YEATS4: variants seen among roughly 807,000 people sequenced by gnomAD.
YEATS4 encodes the protein YEATS domain-containing protein 4.
YEATS4 carries 17 observed loss-of-function variants against 30.1 expected under a neutral mutation model. That is an observed-to-expected ratio of 0.56 (90% confidence interval 0.39 to 0.85). YEATS4 has a LOEUF of 0.85. Ranked by LOEUF, YEATS4 falls within the 40% of genes least tolerant of loss-of-function variation. The probability of loss-of-function intolerance (pLI) is 0.00; values close to 1 mark genes in which losing one functional copy is unlikely to be tolerated. For missense variants in YEATS4, 142 were observed against 268.3 expected, an observed-to-expected ratio of 0.53 and a Z score of 3.29; for synonymous variants, 85 against 87.5, an observed-to-expected ratio of 0.97 and a Z score of 0.16.
chr12:69,417,255 T>G, the YEATS4 span, among the ~76,000 whole-genome samples: 1 of 148,898 alleles, frequency 6.7e-6, no homozygotes, highest in African/African-American at 2.5e-5. Flanking sequence ...CTTCCTGGGT[T>G]CAAGTGATCC....
rs1389824471 is a variant in YEATS4, at chr12:69,359,911, G to A, written c.-62G>A. On this transcript the variant is annotated 5_prime_UTR_variant, in exon 1 of 7. Transcript: ENST00000247843. ...GACAGGAGCGCGGTCTCTGAGGGGA[G>A]CGGCGACCCCGCCAGCCCCGGTCTC... The A allele has an allele frequency of 4.2e-5, 68 of 1,602,840 alleles. No individual in the cohort carries two copies. The highest frequency in any genetic ancestry group is 2.4e-4 in the South Asian group (22 of 90,518).
chr12:69,361,010 C>G (rs1180045951), intron 1 of YEATS4, among the ~76,000 whole-genome samples: 2 of 151,336 alleles, frequency 1.3e-5, no homozygotes, highest in African/African-American at 4.8e-5. Flanking sequence ...CCAGGCTGGT[C>G]AACATGGTGA....
chr12:69,397,507 C>T, the YEATS4 span, among the ~76,000 whole-genome samples: 1 of 152,100 alleles, frequency 6.6e-6, no homozygotes, highest in Non-Finnish European at 1.5e-5. Flanking sequence ...CTCATGAGAT[C>T]TGATGGTTTT....
chr12:69,389,239 C>G (rs1868286928), intron 6 of YEATS4, among the ~76,000 whole-genome samples: 1 of 151,956 alleles, frequency 6.6e-6, no homozygotes, highest in Non-Finnish European at 1.5e-5. Context: ...TGCCTGAGCT[C>G]AGGAGTTCGC....
chr12:69,379,443 G>C (rs1162529016), intron 6 of YEATS4, among the ~76,000 whole-genome samples: 1 of 151,850 alleles, frequency 6.6e-6, no homozygotes, highest in African/African-American at 2.4e-5. Context: ...GACAGGTCCT[G>C]ACTTTGTCAC....
At chr12:69,413,194 C>T in the YEATS4 span, among the ~76,000 whole-genome samples, 1 of 151,948 alleles carries the variant, frequency 6.6e-6, no homozygotes, top group Admixed American at 6.6e-5. Flanking sequence ...GGGAGGACCA[C>T]TTGAGGAAAG....
chr12:69,365,699 G>C lies in YEATS4; in HGVS notation c.238G>C (p.Val80Leu). ...TGAAAGCTATGGCAATCCTTTAAGA[G>C]GTACAATATAGTCTTTTGATTCACA... Reference protein sequence around the residue: ...LHESYGNPLRVVTKPPYEITE... With the variant: ...LHESYGNPLRLVTKPPYEITE... Residue 80 changes from valine to leucine, a missense_variant and splice_region_variant, in exon 3 of 7, where the codon GTT becomes CTT. Physicochemically the swap from Val to Leu is conservative, Grantham distance 32 (BLOSUM62 1). This residue lies in a region of YEATS4 where 64 missense variants were observed against 164.0 expected (regional missense o/e 0.39). Transcript: ENST00000247843. The C allele has an allele frequency of 6.2e-7, 1 of 1,610,554 alleles. No individual in the cohort carries two copies. Among genetic ancestry groups the C allele is most frequent in the Non-Finnish European group, 8.5e-7 (1 of 1,177,866 alleles).
chr12:69,424,503 C>T, the YEATS4 span, among the ~76,000 whole-genome samples: 1 of 152,274 alleles, frequency 6.6e-6, no homozygotes, highest in Middle Eastern at 3.4e-3. Context: ...TCATTTTTCT[C>T]ATTTAAAGTC....
chr12:69,374,684 C>T (rs994761447), intron 6 of YEATS4, among the ~76,000 whole-genome samples: 3 of 132,860 alleles, frequency 2.3e-5, no homozygotes, highest in African/African-American at 8.3e-5. Context: ...TTTCAGAGAG[C>T]ACGGGGTTGG....
chr12:69,384,428 A>T (rs1234799162), intron 6 of YEATS4, among the ~76,000 whole-genome samples: 1 of 152,230 alleles, frequency 6.6e-6, no homozygotes, highest in African/African-American at 2.4e-5. Context: ...AGTTTTTATC[A>T]ATAAATTAAG....
In YEATS4 at chr12:69,370,047, A is replaced by T. The variant is rs1875580732; in HGVS notation, c.334-659A>T. 2.0e-5 allele frequency among the ~76,000 whole-genome samples: 3 copies of T among 152,102 alleles called. No individual in the cohort carries two copies. In the South Asian group the frequency reaches 6.2e-4, roughly 32 times the overall value. On this transcript the variant is annotated intron_variant, in intron 4 of 6. Coordinates refer to ENST00000247843, the MANE Select transcript of YEATS4 (RefSeq NM_006530.4). The stretch of plus-strand genomic sequence containing the variant: ...TTACAATTATGCTAGCTAACTTTTT[A>T]GAAAATTATTTGGGGTCTGGTTTTC...
At chr12:69,413,510 G>GCC in the YEATS4 span, among the ~76,000 whole-genome samples, 36,029 of 130,468 alleles carry the variant, frequency 0.28, 5,816 homozygotes, top group Non-Finnish European at 0.36. Context: ...GGTCTTCAAC[G>GCC]CCCCCCCCAT....
chr12:69,408,984 A>G, the YEATS4 span, among the ~76,000 whole-genome samples: 1 of 152,142 alleles, frequency 6.6e-6, no homozygotes, highest in African/African-American at 2.4e-5. Context: ...AGGTTACTGG[A>G]TTTCGCTGAG....
chr12:69,413,305 A>C, the YEATS4 span, among the ~76,000 whole-genome samples: 125 of 149,198 alleles, frequency 8.4e-4, no homozygotes, highest in African/African-American at 2.9e-3. Flanking sequence ...CTGTGAACAC[A>C]CCACTGCACT....
intron 6 of YEATS4, among the ~76,000 whole-genome samples, chr12:69,389,705 GT>G (rs1868294022): frequency 6.6e-6 from 1 of 151,824 alleles, no homozygotes; most frequent in Non-Finnish European, 1.5e-5. Context: ...TAGAGACGAG[GT>G]TTTGCTATGT....
Position 69,374,686 on chromosome 12 carries a change from C to T in YEATS4, c.514+3711C>T, listed in dbSNP as rs533405821. 2.6e-4 allele frequency among the ~76,000 whole-genome samples: 36 copies of T among 139,050 alleles called. No individual in the cohort carries two copies. In the South Asian group the frequency reaches 3.0e-3, roughly 11 times the overall value. 91.2% of individuals were successfully genotyped at this position (139,050 alleles called of 152,430 possible). On this transcript the variant is annotated intron_variant, in intron 6 of 6. Coordinates refer to ENST00000247843, the MANE Select transcript of YEATS4 (RefSeq NM_006530.4). ...ACCCTTACACATGTTTCAGAGAGCACGGGGTTGGGGGTAAGGTTATGGATT... is the reference window on the plus strand; with the variant it reads ...ACCCTTACACATGTTTCAGAGAGCATGGGGTTGGGGGTAAGGTTATGGATT...
Position 69,390,282 on chromosome 12 carries a change from A to G in YEATS4, c.650A>G (p.Lys217Arg). 6.3e-7 allele frequency: 1 copy of G among 1,595,822 alleles called. No individual in the cohort carries two copies. Among genetic ancestry groups the G allele is most frequent in the Non-Finnish European group, 8.5e-7 (1 of 1,175,518 alleles). Residue 217 changes from lysine to arginine, a missense_variant, in exon 7 of 7, where the codon AAA (lysine) becomes AGA (arginine). Lys to Arg is a conservative substitution (Grantham distance 26, BLOSUM62 2). Transcript: ENST00000247843. Reference protein sequence around the residue: ...TINCLKNEIRKLEEDDQAKDI With the variant: ...TINCLKNEIRRLEEDDQAKDI ...AATTGTTTAAAAAATGAAATCAGAA[A>G]ACTTGAAGAAGATGACCAAGCAAAA...
At chr12:69,385,265 A>G (rs1876228394) in intron 6 of YEATS4, among the ~76,000 whole-genome samples, 1 of 149,260 alleles carries the variant, frequency 6.7e-6, no homozygotes, top group Non-Finnish European at 1.5e-5. Flanking sequence ...CATGCCAGCC[A>G]GGAATTTTAA....
At chr12:69,398,614 A>G in the YEATS4 span, among the ~76,000 whole-genome samples, 1 of 151,656 alleles carries the variant, frequency 6.6e-6, no homozygotes, top group African/African-American at 2.4e-5. Flanking sequence ...GGAGTTCAAG[A>G]CCAGCCTGGG....
Sources: allele counts gnomAD v4.1 joint callset (sites outside exome capture counted in the v4.1 genomes callset), GRCh38; gene constraint gnomAD v4.1.1; regional missense constraint gnomAD v4.1.1; transcripts MANE v1.5; gene names NCBI Gene and HGNC (gene_info 2026-07-23, HGNC 2026-07-21).